The following AOPEP variants were observed in gnomAD, a reference collection of about 807,000 sequenced individuals.
The protein encoded by AOPEP is aminopeptidase O (putative), also known as aminopeptidase O.
Under a neutral mutation model 98.1 loss-of-function variants are expected in AOPEP, and 77 were observed. The ratio of observed to expected loss-of-function variants is 0.78; its 90% confidence interval spans 0.65 to 0.95. The LOEUF (loss-of-function observed/expected upper bound fraction) is 0.95, where lower values mean the gene tolerates loss of function less well. Ranked by LOEUF, AOPEP falls within the 40% of genes least tolerant of loss-of-function variation. The pLI, the probability that AOPEP is intolerant of heterozygous loss-of-function variation, is 0.00. For missense variants in AOPEP, 1,024 were observed against 1,024.7 expected, an observed-to-expected ratio of 1.00 and a Z score of 0.01; for synonymous variants, 346 against 365.3, an observed-to-expected ratio of 0.95 and a Z score of 0.60.
At chr9:94,835,813 T>C (rs948956021) in intron 5 of AOPEP, among the ~76,000 whole-genome samples, 2 of 152,248 alleles carry the variant, frequency 1.3e-5, no homozygotes, top group African/African-American at 2.4e-5. Flanking sequence ...ATTATGGCTG[T>C]TCCCAGTGTC....
At chr9:94,884,995 C>T (rs1354447040) in intron 5 of AOPEP, among the ~76,000 whole-genome samples, 2 of 121,632 alleles carry the variant, frequency 1.6e-5, no homozygotes, top group African/African-American at 3.3e-5. Flanking sequence ...GGCGACAGAG[C>T]GAGACTCCGT....
intron 5 of AOPEP, among the ~76,000 whole-genome samples, chr9:94,853,687 G>A (rs1440607737): frequency 6.6e-6 from 1 of 152,202 alleles, no homozygotes; most frequent in Non-Finnish European, 1.5e-5. Flanking sequence ...AGGTAAAAAT[G>A]TCAGAGGCAA....
At chr9:95,063,697 T>G (rs368067919) in intron 14 of AOPEP, among the ~76,000 whole-genome samples, 2 of 152,142 alleles carry the variant, frequency 1.3e-5, no homozygotes, top group East Asian at 1.9e-4. Context: ...CCCTTCACTG[T>G]GTGGGGGAAA....
the AOPEP span, chr9:95,110,740 T>C: frequency 2.2e-5 from 24 of 1,095,844 alleles, no homozygotes; most frequent in Middle Eastern, 4.0e-4. Context: ...AAGATCAGCA[T>C]AGAGCACTGG....
intron 13 of AOPEP, among the ~76,000 whole-genome samples, chr9:95,038,098 A>G (rs1291484983): frequency 1.3e-5 from 2 of 152,232 alleles, no homozygotes; most frequent in Non-Finnish European, 2.9e-5. Flanking sequence ...CGAAAGTTAT[A>G]TGTACTGTCC....
chr9:95,052,954 C>CA, intron 13 of AOPEP, among the ~76,000 whole-genome samples: 1 of 152,070 alleles, frequency 6.6e-6, no homozygotes, highest in Non-Finnish European at 1.5e-5. Context: ...AATGTTATGA[C>CA]TAAGACTAGA....
At chr9:94,833,726 C>T (rs1362794957) in intron 5 of AOPEP, among the ~76,000 whole-genome samples, 1 of 152,082 alleles carries the variant, frequency 6.6e-6, no homozygotes, top group African/African-American at 2.4e-5. Context: ...TATCATTGGC[C>T]ACCTTTTAAG....
chr9:95,135,902 G>T, the AOPEP span, among the ~76,000 whole-genome samples: 3 of 152,104 alleles, frequency 2.0e-5, no homozygotes, highest in Admixed American at 6.6e-5. Context: ...CCTGGGTTTC[G>T]GTCCCAGCGC....
chr9:95,023,136 A>G (rs1353704106), intron 13 of AOPEP, among the ~76,000 whole-genome samples: 2 of 152,182 alleles, frequency 1.3e-5, no homozygotes, highest in African/African-American at 2.4e-5. Flanking sequence ...CCCCTGCATC[A>G]TGGGTCACAG....
rs1266576036 is a variant in AOPEP at position 94,830,018 on chromosome 9, ATTAT to A, written c.1364+29029_1364+29032del. ...GAACTACATCAGGTGTTTAATTTTT[ATTAT>A]TTATTTATTTATGTATTTATTCAAC... On this transcript the variant is annotated intron_variant, in intron 5 of 16. Coordinates refer to ENST00000375315, the MANE Select transcript of AOPEP (RefSeq NM_001193329.3). Among the ~76,000 whole-genome samples the A allele has an allele frequency of 3.3e-5, 5 of 152,306 alleles. No individual in the cohort carries two copies. In the South Asian group the frequency reaches 6.2e-4, roughly 19 times the overall value.
At chr9:94,887,836 A>G (rs566200115) in intron 5 of AOPEP, among the ~76,000 whole-genome samples, 6 of 152,134 alleles carry the variant, frequency 3.9e-5, no homozygotes, top group Admixed American at 1.3e-4. Flanking sequence ...ACTTCAGTCC[A>G]TACAGAGAAA....
chr9:94,751,632 G>A (rs981282374), intron 1 of AOPEP, among the ~76,000 whole-genome samples: 2 of 151,860 alleles, frequency 1.3e-5, no homozygotes, highest in Admixed American at 1.3e-4. Context: ...TGCACATATT[G>A]TTAACCTCTC....
At chr9:95,055,399 T>C (rs1047502963) in intron 13 of AOPEP, among the ~76,000 whole-genome samples, 5 of 152,258 alleles carry the variant, frequency 3.3e-5, no homozygotes, top group African/African-American at 1.2e-4. Flanking sequence ...AGGAACTTCA[T>C]TGATTATATC....
intron 5 of AOPEP, among the ~76,000 whole-genome samples, chr9:94,868,988 G>A (rs1254205896): frequency 6.6e-6 from 1 of 152,126 alleles, no homozygotes; most frequent in African/African-American, 2.4e-5. Flanking sequence ...CAGCACTTTG[G>A]GAGGCCAGTG....
chr9:95,056,915 C>G (rs2133869432), intron 13 of AOPEP, among the ~76,000 whole-genome samples: 1 of 152,240 alleles, frequency 6.6e-6, no homozygotes, highest in East Asian at 1.9e-4. Context: ...TGCAAGTACC[C>G]ACATCACTTT....
At chr9:95,102,874 C>A in the AOPEP span, among the ~76,000 whole-genome samples, 1 of 152,206 alleles carries the variant, frequency 6.6e-6, no homozygotes, top group African/African-American at 2.4e-5. Context: ...CTCCTCGGCC[C>A]CCCCTGGCAG....
intron 10 of AOPEP, among the ~76,000 whole-genome samples, chr9:94,974,577 C>A (rs2059725239): frequency 6.6e-6 from 1 of 152,234 alleles, no homozygotes; most frequent in Admixed American, 6.5e-5. Flanking sequence ...ACACTTTTGC[C>A]CCTCCCAAGG....
chr9:95,051,386 C>A (rs2133795773), intron 13 of AOPEP, among the ~76,000 whole-genome samples: 1 of 152,018 alleles, frequency 6.6e-6, no homozygotes, highest in African/African-American at 2.4e-5. Context: ...CTGTGCCCAG[C>A]CATACTTTTT....
Position 94,888,712 on chromosome 9 carries a change from G to C in AOPEP, c.1365-35274G>C, listed in dbSNP as rs151232682. Among the ~76,000 whole-genome samples, 4 of 152,186 alleles carry C rather than the reference G, an allele frequency of 2.6e-5. No individual in the cohort carries two copies. The East Asian group carries it at 7.7e-4, about 29-fold the overall frequency. The stretch of plus-strand genomic sequence containing the variant: ...GTCCCCTATGAGGTTGGGGTCTAGG[G>C]TTTTTATGGACTGGGAAGGGGAAGG... On this transcript the variant is annotated intron_variant, in intron 5 of 16. Coordinates refer to ENST00000375315, the MANE Select transcript of AOPEP (RefSeq NM_001193329.3).
Sources: gnomAD v4.1 joint callset for allele counts (sites outside exome capture counted in the v4.1 genomes callset) on GRCh38, gnomAD v4.1.1 for gene constraint, MANE v1.5 for transcripts, NCBI Gene and HGNC (gene_info 2026-07-23, HGNC 2026-07-21) for gene names.